PTPRD: variants seen among roughly 807,000 people sequenced by gnomAD.
PTPRD encodes receptor-type tyrosine-protein phosphatase delta.
Under a neutral mutation model 214.5 loss-of-function variants are expected in PTPRD, and 34 were observed. That is an observed-to-expected ratio of 0.16 (90% confidence interval 0.12 to 0.21). The LOEUF (loss-of-function observed/expected upper bound fraction) is 0.21. Ranked by LOEUF, PTPRD falls within the 10% of genes least tolerant of loss-of-function variation. The probability of loss-of-function intolerance (pLI) is 1.00; values close to 1 mark genes in which losing one functional copy is unlikely to be tolerated. For synonymous variants in PTPRD, 1,128 were observed against 845.7 expected (o/e 1.33, Z -5.79); for missense variants, 2,545 against 2,398.7 (o/e 1.06, Z -1.27).
At chr9:9,205,419 C>T (rs2099944232) in intron 9 of PTPRD, among the ~76,000 whole-genome samples, 1 of 152,076 alleles carries the variant, frequency 6.6e-6, no homozygotes, top group African/African-American at 2.4e-5. Context: ...TAATTATAAA[C>T]ACATGGTAAT....
At chr9:9,592,629 T>C (rs1592420226) in intron 7 of PTPRD, among the ~76,000 whole-genome samples, 1 of 152,190 alleles carries the variant, frequency 6.6e-6, no homozygotes, top group Non-Finnish European at 1.5e-5. Context: ...TCCCTACTCC[T>C]ACAAGGAAGT....
At chr9:9,022,169 AAT>A (rs1491515241) in intron 10 of PTPRD, among the ~76,000 whole-genome samples, 1 of 144,704 alleles carries the variant, frequency 6.9e-6, no homozygotes, top group African/African-American at 2.5e-5. Flanking sequence ...TGTAAAAAAA[AAT>A]GTTAGCTTAC....
intron 7 of PTPRD, among the ~76,000 whole-genome samples, chr9:9,718,464 C>G (rs1165343859): frequency 6.6e-6 from 1 of 152,142 alleles, no homozygotes; most frequent in Admixed American, 6.5e-5. Context: ...AGTGGGAGCC[C>G]TGCGCCCAAC....
intron 5 of PTPRD, among the ~76,000 whole-genome samples, chr9:9,915,039 G>T (rs2080306819): frequency 6.6e-6 from 1 of 152,122 alleles, no homozygotes; most frequent in Non-Finnish European, 1.5e-5. Flanking sequence ...ATAGCCCGGT[G>T]AGCCAACTTT....
intron 11 of PTPRD, among the ~76,000 whole-genome samples, chr9:8,807,371 T>C (rs2096708171): frequency 6.6e-6 from 1 of 152,068 alleles, no homozygotes; most frequent in Non-Finnish European, 1.5e-5. Flanking sequence ...AGTAAGGCTT[T>C]AAAAAGATGA....
At chr9:10,557,544 C>T (rs1466104663) in intron 2 of PTPRD, among the ~76,000 whole-genome samples, 1 of 152,164 alleles carries the variant, frequency 6.6e-6, no homozygotes, top group Non-Finnish European at 1.5e-5. Flanking sequence ...AAAGTTTTCA[C>T]TGCTGCTCTG....
intron 9 of PTPRD, among the ~76,000 whole-genome samples, chr9:9,246,603 C>T (rs369846865): frequency 5.1e-4 from 78 of 152,140 alleles, no homozygotes; most frequent in African/African-American, 1.7e-3. Context: ...TTGACTTTTG[C>T]TTTTCTTTCA....
chr9:8,840,589 A>C lies in PTPRD; in HGVS notation c.-103-106643T>G, dbSNP rs147277886. ...AATGCAAGCTATCTCTTCTTACTCC[A>C]CCACCTGTTGAACATATTCAAATGG... On this transcript the variant is annotated intron_variant, in intron 11 of 45. Coordinates refer to ENST00000381196, the MANE Select transcript of PTPRD (RefSeq NM_002839.4). Among the ~76,000 whole-genome samples the C allele has an allele frequency of 5.7e-3, 874 of 152,248 alleles. 8 individuals carry two copies. The highest frequency in any genetic ancestry group is 0.044 in the Middle Eastern group (13 of 294).
intron 11 of PTPRD, among the ~76,000 whole-genome samples, chr9:8,976,048 TGA>T (rs2099266325): frequency 6.6e-6 from 1 of 152,054 alleles, no homozygotes; most frequent in Non-Finnish European, 1.5e-5. Flanking sequence ...GCCTTCACTT[TGA>T]AATATTTCCT....
At chr9:9,697,528 T>A (rs1468132768) in intron 7 of PTPRD, among the ~76,000 whole-genome samples, 1 of 152,122 alleles carries the variant, frequency 6.6e-6, no homozygotes, top group East Asian at 1.9e-4. Flanking sequence ...GGCCTATATA[T>A]TTTCTAATAA....
In PTPRD at chr9:10,091,591, ATTG is replaced by A. The variant is rs565880196; in HGVS notation, c.-544-57804_-544-57802del. Among the ~76,000 whole-genome samples, 8 of 151,614 alleles carry A rather than the reference ATTG, an allele frequency of 5.3e-5. No individual in the cohort carries two copies. The South Asian group carries it at 1.7e-3, about 31-fold the overall frequency. ...AACATTTTCAAGTTAGTTCAAAATAATTGTTGTTTGGAATTGTCAACTGCATGT... is the reference window on the plus strand; with the variant it reads ...AACATTTTCAAGTTAGTTCAAAATAATTGTTTGGAATTGTCAACTGCATGT... On this transcript the variant is annotated intron_variant, in intron 3 of 45. Transcript: ENST00000381196.
At chr9:9,474,281 T>C (rs992469280) in intron 8 of PTPRD, among the ~76,000 whole-genome samples, 2 of 152,162 alleles carry the variant, frequency 1.3e-5, no homozygotes, top group African/African-American at 4.8e-5. Context: ...TAAATTAATT[T>C]CTGATTTCTG....
intron 10 of PTPRD, among the ~76,000 whole-genome samples, chr9:9,165,084 T>C (rs2099900091): frequency 6.6e-6 from 1 of 151,904 alleles, no homozygotes; most frequent in Non-Finnish European, 1.5e-5. Flanking sequence ...AATAAACATT[T>C]ACTGGTTTCT....
At chr9:10,357,535 T>A (rs1359777829) in intron 2 of PTPRD, among the ~76,000 whole-genome samples, 1 of 152,206 alleles carries the variant, frequency 6.6e-6, no homozygotes, top group Admixed American at 6.5e-5. Context: ...AGCTAATACG[T>A]ATGCAAAGTG....
chr9:10,292,221 T>G (rs1449504544), intron 3 of PTPRD, among the ~76,000 whole-genome samples: 1 of 152,030 alleles, frequency 6.6e-6, no homozygotes, highest in African/African-American at 2.4e-5. Context: ...GAATCTATTT[T>G]TCTCTCACAC....
At chr9:10,412,760 C>A (rs2098450256) in intron 2 of PTPRD, among the ~76,000 whole-genome samples, 1 of 151,784 alleles carries the variant, frequency 6.6e-6, no homozygotes, top group Non-Finnish European at 1.5e-5. Context: ...AGCTTATCCA[C>A]AACGATCAAG....
At chr9:9,968,075 C>A (rs759975005) in intron 4 of PTPRD, among the ~76,000 whole-genome samples, 2 of 152,148 alleles carry the variant, frequency 1.3e-5, no homozygotes, top group Admixed American at 6.5e-5. Context: ...AGGTCCATTA[C>A]TTTAAAGATT....
intron 7 of PTPRD, among the ~76,000 whole-genome samples, chr9:9,582,287 G>A (rs2090999546): frequency 6.6e-6 from 1 of 152,078 alleles, no homozygotes; most frequent in African/African-American, 2.4e-5. Flanking sequence ...CAGTGTCAGT[G>A]AATGTTAAGA....
intron 3 of PTPRD, among the ~76,000 whole-genome samples, chr9:10,274,890 G>A (rs1433983279): frequency 2.0e-5 from 3 of 152,022 alleles, no homozygotes; most frequent in Admixed American, 1.3e-4. Context: ...GAATAATGAC[G>A]GTGGAATAGA....
Sources: gnomAD v4.1 joint callset for allele counts (sites outside exome capture counted in the v4.1 genomes callset) on GRCh38, gnomAD v4.1.1 for gene constraint, MANE v1.5 for transcripts, NCBI Gene and HGNC (gene_info 2026-07-23, HGNC 2026-07-21) for gene names.